The following NELL1 variants were observed in gnomAD, a reference collection of about 807,000 sequenced individuals.
NELL1 encodes the protein neural EGFL like 1, also known as protein kinase C-binding protein NELL1.
Under a neutral mutation model 107.4 loss-of-function variants are expected in NELL1, and 76 were observed. That is an observed-to-expected ratio of 0.71 (90% confidence interval 0.59 to 0.86). The LOEUF is 0.86. Among genes scored for constraint, NELL1 ranks in the 40% least tolerant of loss-of-function variants. The pLI is 0.00. For missense variants in NELL1, 1,024 were observed against 1,005.5 expected (o/e 1.02, Z -0.25); for synonymous variants, 353 against 341.2 (o/e 1.03, Z -0.38).
intron 2 of NELL1, among the ~76,000 whole-genome samples, chr11:20,715,741 G>T (rs1793008): frequency 6.6e-6 from 1 of 152,202 alleles, no homozygotes; most frequent in African/African-American, 2.4e-5. Flanking sequence ...CTCAGAGGAG[G>T]CTGCTGAATA....
intron 16 of NELL1, among the ~76,000 whole-genome samples, chr11:21,547,232 A>AT (rs1388950378): frequency 6.6e-6 from 1 of 152,038 alleles, no homozygotes; most frequent in Non-Finnish European, 1.5e-5. Flanking sequence ...AATGAGAAGG[A>AT]TTTTTTCCAG....
chr11:20,831,589 G>T (rs1171158096), intron 3 of NELL1, among the ~76,000 whole-genome samples: 1 of 152,104 alleles, frequency 6.6e-6, no homozygotes, highest in African/African-American at 2.4e-5. Context: ...GAAGGTGGGG[G>T]GGACCCTGGA....
intron 13 of NELL1, among the ~76,000 whole-genome samples, chr11:21,205,687 T>C (rs903974484): frequency 2.0e-5 from 3 of 152,164 alleles, no homozygotes; most frequent in African/African-American, 7.2e-5. Flanking sequence ...TGCAGCAAGC[T>C]CGCTGTCTGC....
At chr11:21,303,291 T>A (rs985536354) in intron 14 of NELL1, among the ~76,000 whole-genome samples, 1 of 152,006 alleles carries the variant, frequency 6.6e-6, no homozygotes, top group Non-Finnish European at 1.5e-5. Context: ...ATGTATACTT[T>A]AAGATATATT....
intron 13 of NELL1, among the ~76,000 whole-genome samples, chr11:21,178,481 C>A (rs1856756930): frequency 6.6e-6 from 1 of 151,662 alleles, no homozygotes; most frequent in African/African-American, 2.4e-5. Flanking sequence ...TTATAAAATT[C>A]TTTGGGTGGG....
intron 16 of NELL1, among the ~76,000 whole-genome samples, chr11:21,541,083 G>C (rs117789445): frequency 0.022 from 3,295 of 152,064 alleles, 66 homozygotes; most frequent in East Asian, 0.077. Flanking sequence ...TTTTTTGATA[G>C]ATTTTTATCA....
At chr11:21,059,260 G>A (rs993079318) in intron 12 of NELL1, among the ~76,000 whole-genome samples, 4 of 81,764 alleles carry the variant, frequency 4.9e-5, no homozygotes, top group African/African-American at 1.6e-4. Flanking sequence ...AACAAGTTTT[G>A]TTTTGTTTTT....
At chr11:21,444,926 G>T (rs1192871745) in intron 15 of NELL1, among the ~76,000 whole-genome samples, 2 of 151,660 alleles carry the variant, frequency 1.3e-5, no homozygotes, top group Non-Finnish European at 2.9e-5. Context: ...TTAATTTTAG[G>T]TATACATTGT....
intron 15 of NELL1, among the ~76,000 whole-genome samples, chr11:21,518,902 T>C (rs1051020581): frequency 6.6e-6 from 1 of 152,166 alleles, no homozygotes; most frequent in Non-Finnish European, 1.5e-5. Context: ...GTAATAGAAA[T>C]CTCAAGTAAT....
intron 13 of NELL1, among the ~76,000 whole-genome samples, chr11:21,215,867 G>A (rs1282383118): frequency 6.6e-6 from 1 of 152,142 alleles, no homozygotes; most frequent in Non-Finnish European, 1.5e-5. Context: ...TGACTTTCTG[G>A]GGAGAAATTC....
At chr11:21,198,359 T>C (rs980214337) in intron 13 of NELL1, among the ~76,000 whole-genome samples, 6 of 152,146 alleles carry the variant, frequency 3.9e-5, no homozygotes, top group Admixed American at 6.5e-5. Flanking sequence ...CCAGTCCAGA[T>C]TCAAACGGAG....
intron 14 of NELL1, among the ~76,000 whole-genome samples, chr11:21,318,326 G>A (rs939299163): frequency 6.6e-6 from 1 of 152,184 alleles, no homozygotes; most frequent in African/African-American, 2.4e-5. Flanking sequence ...TTTGAGGTCA[G>A]GGAAGCAGTG....
chr11:20,755,215 C>T (rs890600460), intron 2 of NELL1, among the ~76,000 whole-genome samples: 1 of 152,124 alleles, frequency 6.6e-6, no homozygotes, highest in African/African-American at 2.4e-5. Context: ...CAGGTAAAAA[C>T]CCAGCTCATT....
At position 21,139,756 on chromosome 11, in the gene NELL1, C is replaced by T. The variant is rs188914918; in HGVS notation, c.1426+26042C>T. ...CTGTGGTAGATGCTAAAGATATATT[C>T]AGTTGCAAGTAACCAAAAATCCAGC... On this transcript the variant is annotated intron_variant, in intron 13 of 19. Transcript: ENST00000357134. 2.6e-5 allele frequency among the ~76,000 whole-genome samples: 4 copies of T among 152,278 alleles called. No individual in the cohort carries two copies. In the East Asian group the frequency reaches 5.8e-4, roughly 22 times the overall value.
At chr11:21,270,990 T>A (rs929156639) in intron 14 of NELL1, among the ~76,000 whole-genome samples, 8 of 151,964 alleles carry the variant, frequency 5.3e-5, no homozygotes, top group African/African-American at 1.9e-4. Flanking sequence ...TAAGATAAAA[T>A]TTTTCAAAAT....
At chr11:21,465,032 A>G (rs534761231) in intron 15 of NELL1, among the ~76,000 whole-genome samples, 9 of 152,110 alleles carry the variant, frequency 5.9e-5, no homozygotes, top group Non-Finnish European at 1.0e-4. Flanking sequence ...AATGCCTAGT[A>G]GAGAGTCTGA....
intron 15 of NELL1, among the ~76,000 whole-genome samples, chr11:21,525,919 A>G (rs1855841842): frequency 6.6e-6 from 1 of 152,164 alleles, no homozygotes. Flanking sequence ...TTCTGCCCCT[A>G]TCATTCTGCC....
intron 14 of NELL1, among the ~76,000 whole-genome samples, chr11:21,303,893 G>A (rs1328046787): frequency 1.3e-5 from 2 of 152,004 alleles, no homozygotes; most frequent in African/African-American, 2.4e-5. Flanking sequence ...TCATTGCTGA[G>A]TCCACTGGAG....
intron 12 of NELL1, among the ~76,000 whole-genome samples, chr11:20,971,733 T>C (rs925368387): frequency 1.3e-5 from 2 of 152,324 alleles, no homozygotes; most frequent in African/African-American, 4.8e-5. Flanking sequence ...ACTTCATCTC[T>C]CATCATTTTC....
Sources: allele counts gnomAD v4.1 joint callset (sites outside exome capture counted in the v4.1 genomes callset), GRCh38; gene constraint gnomAD v4.1.1; transcripts MANE v1.5; gene names NCBI Gene and HGNC (gene_info 2026-07-23, HGNC 2026-07-21).